Variants in NIPBL observed in about 807,000 individuals in gnomAD.
NIPBL encodes nipped-B-like protein.
Under a neutral mutation model 321.8 loss-of-function variants are expected in NIPBL, and 19 were observed. That is an observed-to-expected ratio of 0.06 (90% confidence interval 0.04 to 0.09). NIPBL has a LOEUF of 0.09. NIPBL is among the 10% of genes least tolerant of loss of function. The pLI is 1.00. For synonymous variants in NIPBL, 1,106 were observed against 1,114.1 expected (o/e 0.99, Z 0.14); for missense variants, 2,210 against 3,327.0 (o/e 0.66, Z 8.26).
intron 9 of NIPBL, among the ~76,000 whole-genome samples, chr5:36,981,100 A>G (rs1029485687): frequency 6.6e-6 from 1 of 151,748 alleles, no homozygotes; most frequent in African/African-American, 2.4e-5. Flanking sequence ...AATATATTCA[A>G]ACATTTGGCA....
chr5:37,057,192 G>A lies in NIPBL; in HGVS notation c.7270G>A (p.Asp2424Asn), dbSNP rs1408016562. 1.2e-6 allele frequency: 2 copies of A among 1,613,456 alleles called. No homozygotes were observed. The highest frequency in any genetic ancestry group is 1.7e-6 in the Non-Finnish European group (2 of 1,179,904). ...LNLFDDTAKT[D>N]VTMLLYIADN... ...TTTTTCTTAAAATTTACAGAAAACA[G>A]ACGTGACTATGCTCTTGTATATAGC... Residue 2424 changes from aspartate to asparagine, a missense_variant, in exon 43 of 47, where the codon GAC (aspartate) becomes AAC (asparagine). By Grantham distance (23) the Asp-to-Asn change is conservative. This residue lies in a region of NIPBL where 112 missense variants were observed against 288.3 expected (regional missense o/e 0.39). Transcript: ENST00000282516.
At chr5:37,038,867 A>C in intron 34 of NIPBL, 129 bp downstream of exon 34, 1 of 956,330 alleles carries the variant, frequency 1.0e-6, no homozygotes, top group Non-Finnish European at 1.6e-6. Flanking sequence ...TATATGTACT[A>C]TTTGTAGCAA....
At chr5:36,888,675 G>T (rs1381106438) in intron 1 of NIPBL, among the ~76,000 whole-genome samples, 1 of 152,072 alleles carries the variant, frequency 6.6e-6, no homozygotes, top group Non-Finnish European at 1.5e-5. Context: ...TTGCTTGTTT[G>T]TGAGTTTGGA....
chr5:36,956,324 C>T (rs539502065), intron 3 of NIPBL, among the ~76,000 whole-genome samples: 8 of 152,184 alleles, frequency 5.3e-5, no homozygotes, highest in African/African-American at 1.9e-4. Flanking sequence ...ATTCTTATCC[C>T]TTCATATTCC....
Position 36,999,345 on chromosome 5 carries a change from A to G in NIPBL, c.3305-1028A>G, listed in dbSNP as rs1746518414. Among the ~76,000 whole-genome samples, 2 of 152,342 alleles carry G rather than the reference A, an allele frequency of 1.3e-5. 1 individual carries two copies. Among genetic ancestry groups the G allele is most frequent in the South Asian group, 4.1e-4 (2 of 4,832 alleles). The stretch of plus-strand genomic sequence containing the variant: ...TTATCATTGTCAGCAACAAGTGATC[A>G]CAACAACAACCAGTATATGATTTCA... On this transcript the variant is annotated intron_variant, in intron 11 of 46. Coordinates refer to ENST00000282516, the MANE Select transcript of NIPBL (RefSeq NM_133433.4).
chr5:36,976,269 G>C lies in NIPBL; in HGVS notation c.1362G>C (p.Gln454His). ...AAKQPQTSVV[Q>H]NQQQISQQGP... The stretch of plus-strand genomic sequence containing the variant: ...AACAACCCCAGACTTCTGTGGTACA[G>C]AATCAACAACAGATATCACAACAGG... The change falls in exon 9 of 47, where the codon CAG becomes CAC. Residue 454 changes from glutamine (Q) to histidine (H), a missense_variant. By Grantham distance (24) the Gln-to-His change is conservative. Coordinates refer to ENST00000282516, the MANE Select transcript of NIPBL (RefSeq NM_133433.4). 1.2e-6 allele frequency: 2 copies of C among 1,613,734 alleles called. No individual in the cohort carries two copies. Among genetic ancestry groups the C allele is most frequent in the South Asian group, 2.2e-5 (2 of 91,066 alleles).
intron 1 of NIPBL, among the ~76,000 whole-genome samples, chr5:36,946,927 A>G (rs1290643367): frequency 6.6e-6 from 1 of 152,074 alleles, no homozygotes; most frequent in Admixed American, 6.6e-5. Flanking sequence ...CCTTTAGGCA[A>G]ACATAAGAAT....
intron 10 of NIPBL, 130 bp from the exon 11 acceptor site, chr5:36,995,492 T>G: frequency 1.5e-6 from 1 of 650,484 alleles, no homozygotes; most frequent in Non-Finnish European, 2.7e-6. Context: ...AGTATTATAG[T>G]TGTGTTTTAT....
chr5:37,030,950 G>C (rs1056454515), intron 32 of NIPBL, among the ~76,000 whole-genome samples: 4 of 134,416 alleles, frequency 3.0e-5, no homozygotes, highest in African/African-American at 1.1e-4. Context: ...TTTTGAGACA[G>C]GATGTCACTA....
chr5:36,994,924 C>G (rs1561130458), intron 10 of NIPBL, among the ~76,000 whole-genome samples: 1 of 152,016 alleles, frequency 6.6e-6, no homozygotes, highest in Non-Finnish European at 1.5e-5. Context: ...TTGAAATGTA[C>G]TTTTCAGTTA....
chr5:37,065,051 G>A lies in NIPBL; in HGVS notation c.*159G>A. ...GAAATGTTGGGCAAACATTTTTGTG[G>A]GAGCTCCCTTCGCTGTTGTGCAGCA... On this transcript the variant is annotated 3_prime_UTR_variant, in exon 47 of 47. Transcript: ENST00000282516. 1.2e-6 allele frequency: 1 copy of A among 801,180 alleles called. No individual in the cohort carries two copies. The highest frequency in any genetic ancestry group is 2.0e-6 in the Non-Finnish European group (1 of 498,862). 49.6% of individuals were successfully genotyped at this position (801,180 alleles called of 1,614,324 possible). A position where few individuals can be genotyped will look rare whatever the true frequency, so the allele number is the denominator to read the frequency against.
At chr5:36,979,885 A>G (rs1457034205) in intron 9 of NIPBL, among the ~76,000 whole-genome samples, 2 of 151,776 alleles carry the variant, frequency 1.3e-5, no homozygotes, top group Non-Finnish European at 3.0e-5. Flanking sequence ...ACCAAGAAAT[A>G]TTAGTTGCCC....
chr5:36,977,920 G>A (rs1743682057), intron 9 of NIPBL, among the ~76,000 whole-genome samples: 2 of 151,852 alleles, frequency 1.3e-5, no homozygotes, highest in Non-Finnish European at 2.9e-5. Context: ...CTGCATCCAT[G>A]TTGCTGCAGA....
chr5:37,044,519 TTAGTG>T, intron 35 of NIPBL, 32 bp downstream of exon 35: 1 of 1,608,650 alleles, frequency 6.2e-7, no homozygotes, highest in Non-Finnish European at 8.5e-7. Context: ...TCTTTATTCA[TTAGTG>T]TAAAGTTCTA....
At chr5:36,906,821 A>T (rs1434426809) in intron 1 of NIPBL, among the ~76,000 whole-genome samples, 1 of 152,190 alleles carries the variant, frequency 6.6e-6, no homozygotes, top group Non-Finnish European at 1.5e-5. Flanking sequence ...CTAGAACTTT[A>T]ATCTATATGT....
chr5:36,911,259 G>A (rs1748027886), intron 1 of NIPBL, among the ~76,000 whole-genome samples: 1 of 152,140 alleles, frequency 6.6e-6, no homozygotes, highest in Admixed American at 6.5e-5. Context: ...CTCCCTTTGA[G>A]AATCAGTTTT....
chr5:36,970,817 A>G (rs918935400), intron 6 of NIPBL, 59 bp from the exon 7 acceptor site: 55 of 1,390,228 alleles, frequency 4.0e-5, no homozygotes, highest in East Asian at 2.2e-4. Flanking sequence ...AATAATTACT[A>G]TTCTCCAAGA....
chr5:37,028,332 A>ATTT (rs1750552522), intron 32 of NIPBL, among the ~76,000 whole-genome samples: 1 of 85,132 alleles, frequency 1.2e-5, no homozygotes, highest in African/African-American at 7.0e-5. Context: ...TTTCCATAAT[A>ATTT]CTTTTTTTTT....
At chr5:37,027,642 G>T (rs1455957376) in intron 32 of NIPBL, among the ~76,000 whole-genome samples, 1 of 113,344 alleles carries the variant, frequency 8.8e-6, no homozygotes, top group Non-Finnish European at 1.6e-5. Flanking sequence ...GTGGAGTCTC[G>T]CTCTCTCACT....
Sources: gnomAD v4.1 joint callset for allele counts (sites outside exome capture counted in the v4.1 genomes callset) on GRCh38, gnomAD v4.1.1 for gene constraint, gnomAD v4.1.1 regional missense constraint, MANE v1.5 for transcripts, NCBI Gene and HGNC (gene_info 2026-07-23, HGNC 2026-07-21) for gene names.